The following FAM83C variants were observed in gnomAD, a reference collection of about 807,000 sequenced individuals.
FAM83C encodes the protein scaffolding CK1 anchoring protein C.
In FAM83C, 23 loss-of-function variants were observed where a neutral mutation model predicts 27.1. That is an observed-to-expected ratio of 0.85 (90% CI 0.61 to 1.20). The LOEUF is 1.20. FAM83C is among the 50% of genes most tolerant of loss of function. The pLI is 0.00. For synonymous variants in FAM83C, 426 were observed against 423.1 expected (o/e 1.01, Z -0.09); for missense variants, 984 against 1,001.3 (o/e 0.98, Z 0.23).
At position 35,288,544 on chromosome 20, in the gene FAM83C, G is replaced by A. The variant is rs1317457024; in HGVS notation, c.723C>T (p.Ser241=). 1.2e-6 allele frequency: 2 copies of A among 1,614,218 alleles called. No individual in the cohort carries two copies. The highest frequency in any genetic ancestry group is 1.1e-5 in the South Asian group (1 of 91,088). Residue 241 remains serine, a synonymous_variant, in exon 3 of 4, where the codon AGC becomes AGT. Transcript: ENST00000374408. The part of the protein sequence containing the change: ...VRSTCGDTYC[S]KAGRRFTGQA... ...GCCCCGTGAAGCGGCGGCCAGCCTT[G>A]CTGCAGTATGTGTCCCCACACGTGC...
At position 35,286,667 on chromosome 20, in the gene FAM83C, G is replaced by A. The variant is rs1163847052; in HGVS notation, c.2112C>T (p.Gly704=). The change falls in exon 4 of 4, where the codon GGC becomes GGT. Residue 704 remains glycine (G), a synonymous_variant. Coordinates refer to ENST00000374408, the MANE Select transcript of FAM83C (RefSeq NM_178468.6). ...GGTCACTGTTACCACCATTGAGATG[G>A]CCACCCTTGGGACCCCCAGGCTCAG... ...QGTEPGGPKG[G]HLNGGNSDLV... 6.2e-7 allele frequency: 1 copy of A among 1,613,992 alleles called. No homozygotes were observed. The highest frequency in any genetic ancestry group is 8.5e-7 in the Non-Finnish European group (1 of 1,179,970).
In FAM83C at chr20:35,286,462, A is replaced by C; in HGVS notation, c.*73T>G. The C allele has an allele frequency of 6.9e-7, 1 of 1,448,478 alleles. No homozygotes were observed. Among genetic ancestry groups the C allele is most frequent in the Non-Finnish European group, 9.2e-7 (1 of 1,085,860 alleles). 89.7% of individuals were successfully genotyped at this position (1,448,478 alleles called of 1,614,324 possible). Reference sequence around the variant, plus strand: ...CCTCCCTTCCCCAGTCTGGGACCTGAGCAAGTCCAGAGTCTCGGTGGACAG... The same window carrying C: ...CCTCCCTTCCCCAGTCTGGGACCTGCGCAAGTCCAGAGTCTCGGTGGACAG... On this transcript the variant is annotated 3_prime_UTR_variant, in exon 4 of 4. Transcript: ENST00000374408.
At position 35,286,343 on chromosome 20, in the gene FAM83C, A is replaced by C. The variant is rs891642659; in HGVS notation, c.*192T>G. The C allele has an allele frequency of 6.8e-6, 4 of 591,892 alleles. No homozygotes were observed. The highest frequency in any genetic ancestry group is 5.8e-6 in the Non-Finnish European group (2 of 343,226). The allele number at this position is 591,892 out of a possible 1,614,324, so 36.7% of individuals were successfully genotyped here. ...GGAAACACAGCCTAGATTCAAGAAG[A>C]TACTAGTTAGGGTGTGTGTGTGTGT... On this transcript the variant is annotated 3_prime_UTR_variant, in exon 4 of 4. Coordinates refer to ENST00000374408, the MANE Select transcript of FAM83C (RefSeq NM_178468.6).
At position 35,287,299 on chromosome 20, in the gene FAM83C, C is replaced by T; in HGVS notation, c.1480G>A (p.Glu494Lys). Residue 494 changes from glutamate to lysine, a missense_variant, in exon 4 of 4, where the codon GAG becomes AAG. Transcript: ENST00000374408. ...VPGTTLETVE[E>K]KEKKASPSQS... The stretch of plus-strand genomic sequence containing the variant: ...CTTGGAGATGCCTTCTTCTCCTTCT[C>T]CTCCACTGTCTCCAGGGTTGTGCCA... 6.2e-7 allele frequency: 1 copy of T among 1,613,564 alleles called. No homozygotes were observed.
At chr20:35,290,893 C>T (rs1435535586) in intron 1 of FAM83C, among the ~76,000 whole-genome samples, 5 of 152,190 alleles carry the variant, frequency 3.3e-5, no homozygotes, top group Non-Finnish European at 7.4e-5. Flanking sequence ...GGGATCCCAG[C>T]ATCCTGGCTT....
Position 35,292,084 on chromosome 20 carries a change from C to A in FAM83C, c.221G>T (p.Ser74Ile), listed in dbSNP as rs577788498. Residue 74 changes from serine (S) to isoleucine (I), a missense_variant, in exon 1 of 4, where the codon AGC becomes ATC. By Grantham distance (142) the Ser-to-Ile change is moderately radical. Transcript: ENST00000374408. ...ISEERELPFLSALDVDYMTSH... is the reference protein window; with the variant it reads ...ISEERELPFLIALDVDYMTSH... Reference sequence around the variant, plus strand: ...GGTCATGTAGTCCACATCCAGGGCGCTCAGGAAGGGCAGCTCCCGCTCCTC... The same window carrying A: ...GGTCATGTAGTCCACATCCAGGGCGATCAGGAAGGGCAGCTCCCGCTCCTC... 6.2e-7 allele frequency: 1 copy of A among 1,609,416 alleles called. No homozygotes were observed. The highest frequency in any genetic ancestry group is 1.3e-5 in the African/African-American group (1 of 75,056).
chr20:35,291,230 G>C (rs1290137799), intron 1 of FAM83C, among the ~76,000 whole-genome samples: 1 of 152,158 alleles, frequency 6.6e-6, no homozygotes, highest in Non-Finnish European at 1.5e-5. Flanking sequence ...GAGGGTAGGG[G>C]GCAACTAGGG....
rs1278380332 is a variant in FAM83C at position 35,292,210 on chromosome 20, C to T, written c.95G>A (p.Arg32Gln). The T allele has an allele frequency of 8.2e-6, 13 of 1,592,054 alleles. No homozygotes were observed. The highest frequency in any genetic ancestry group is 1.7e-5 in the Admixed American group (1 of 59,496). ...RVEELKLPWW[R>Q]ESSPLVLRHS... is the part of the protein sequence containing the mutation. Reference sequence around the variant, plus strand: ...CCGCAGCACCAGCGGTGAGCTCTCCCGCCACCACGGCAGCTTCAGCTCTTC... The same window carrying T: ...CCGCAGCACCAGCGGTGAGCTCTCCTGCCACCACGGCAGCTTCAGCTCTTC... Residue 32 changes from arginine to glutamine, a missense_variant, in exon 1 of 4, where the codon CGG (arginine) becomes CAG (glutamine). Coordinates refer to ENST00000374408, the MANE Select transcript of FAM83C (RefSeq NM_178468.6).
At position 35,287,985 on chromosome 20, in the gene FAM83C, G is replaced by A. The variant is rs759200332; in HGVS notation, c.807-13C>T. Reference sequence around the variant, plus strand: ...AAGCCAGGTGAAGCTGGGGGCAGAGGGACAGGGGGGTCAGGAGGCAAAGTG... The same window carrying A: ...AAGCCAGGTGAAGCTGGGGGCAGAGAGACAGGGGGGTCAGGAGGCAAAGTG... On this transcript the variant is annotated splice_polypyrimidine_tract_variant and intron_variant, in intron 3 of 3. Transcript: ENST00000374408. 4.5e-6 allele frequency: 7 copies of A among 1,559,952 alleles called. 1 individual carries two copies. The South Asian group carries it at 5.9e-5, about 13-fold the overall frequency.
At chr20:35,288,701 C>A in intron 2 of FAM83C, 90 bp downstream of exon 2, 1 of 1,545,154 alleles carries the variant, frequency 6.5e-7, no homozygotes, top group Non-Finnish European at 8.8e-7. Flanking sequence ...CTCCCAGTGC[C>A]CCCCAGTGCT....
chr20:35,291,821 G>A lies in FAM83C; in HGVS notation c.484C>T (p.Leu162=). The A allele has an allele frequency of 6.2e-7, 1 of 1,614,182 alleles. No homozygotes were observed. The change falls in exon 1 of 4, where the codon CTG becomes TTG. Residue 162 remains leucine (L), a synonymous_variant. Coordinates refer to ENST00000374408, the MANE Select transcript of FAM83C (RefSeq NM_178468.6). ...RDKAKNIKDL[L]RFLFSQAHTV... ...TGGGCCTGGCTGAAAAGGAAGCGCA[G>A]CAGGTCCTTGATGTTCTTGGCCTTG...
rs1218810297 is a variant in FAM83C, at chr20:35,287,438, A to T, written c.1341T>A (p.Pro447=). 6.2e-7 allele frequency: 1 copy of T among 1,614,144 alleles called. No homozygotes were observed. The highest frequency in any genetic ancestry group is 8.5e-7 in the Non-Finnish European group (1 of 1,180,004). The change falls in exon 4 of 4, where the codon CCT becomes CCA. Residue 447 remains proline, a synonymous_variant. Transcript: ENST00000374408. The part of the protein sequence containing the change: ...LTLAVGSPLL[P]RSRPLLQFHR... ...GGAACTGGAGGAGGGGCCGGGAGCG[A>T]GGAAGCAGAGGTGACCCCACTGCCA...
In FAM83C at chr20:35,287,670, TCA is replaced by T. The variant is rs1215181371; in HGVS notation, c.1107_1108del (p.Asp370LeufsTer3). 6.2e-7 allele frequency: 1 copy of T among 1,613,824 alleles called. No homozygotes were observed. The highest frequency in any genetic ancestry group is 1.3e-5 in the African/African-American group (1 of 74,888). On this transcript the variant is annotated frameshift_variant, in exon 4 of 4. Coordinates refer to ENST00000374408, the MANE Select transcript of FAM83C (RefSeq NM_178468.6). LOFTEE classifies it low-confidence loss of function (END_TRUNC). ...GGACACCACACCCGTATCACTGCAA[TCA>T]CCACCTCCTGGTAGAGCGAGGTAGG...
Position 35,286,263 on chromosome 20 carries a change from G to T in FAM83C, c.*272C>A. ...CCAGCAGCTTGTGCATTTCACCTCT[G>T]TCCCCAGGTCTGAGTGTGACCCACC... On this transcript the variant is annotated 3_prime_UTR_variant, in exon 4 of 4. Transcript: ENST00000374408. 2.3e-6 allele frequency: 1 copy of T among 436,758 alleles called. No individual in the cohort carries two copies. The highest frequency in any genetic ancestry group is 6.1e-4 in the Middle Eastern group (1 of 1,638). 27.1% of individuals were successfully genotyped at this position (436,758 alleles called of 1,614,324 possible).
rs758785799 is a variant in FAM83C, at chr20:35,287,400, G to A, written c.1379C>T (p.Pro460Leu). Residue 460 changes from proline (P) to leucine (L), a missense_variant, in exon 4 of 4, where the codon CCA becomes CTA. Pro to Leu is a moderately conservative substitution (Grantham distance 98). Transcript: ENST00000374408. ...ATTCTCTGGGAACCGGGACAGAGCT[G>A]GGGCACCCCGATGGAACTGGAGGAG... ...RPLLQFHRGA[P>L]ALSRFPENGL... 3.7e-6 allele frequency: 6 copies of A among 1,614,122 alleles called. No individual in the cohort carries two copies. Among genetic ancestry groups the A allele is most frequent in the Admixed American group, 3.3e-5 (2 of 60,030 alleles).
rs777831015 is a variant in FAM83C, at chr20:35,292,246, C to T, written c.59G>A (p.Arg20Gln). 12 of 1,554,908 alleles carry T rather than the reference C, an allele frequency of 7.7e-6. No homozygotes were observed. The highest frequency in any genetic ancestry group is 4.6e-5 in the South Asian group (4 of 86,866). ...CAGCTTCAGCTCTTCCACCCGGCCC[C>T]GCAGGGGTCCCGCCATGCCCTGGGC... is the stretch of plus-strand genomic sequence containing the variant. The part of the protein sequence containing the change: ...LGAQGMAGPL[R>Q]GRVEELKLPW... Residue 20 changes from arginine (R) to glutamine (Q), a missense_variant, in exon 1 of 4, where the codon CGG (arginine) becomes CAG (glutamine). Physicochemically the swap from Arg to Gln is conservative, Grantham distance 43 (BLOSUM62 1). Coordinates refer to ENST00000374408, the MANE Select transcript of FAM83C (RefSeq NM_178468.6).
At position 35,287,058 on chromosome 20, in the gene FAM83C, C is replaced by A. The variant is rs760597342; in HGVS notation, c.1721G>T (p.Arg574Ile). Residue 574 changes from arginine to isoleucine, a missense_variant, in exon 4 of 4, where the codon AGA (arginine) becomes ATA (isoleucine). By Grantham distance (97) the Arg-to-Ile change is moderately conservative. Coordinates refer to ENST00000374408, the MANE Select transcript of FAM83C (RefSeq NM_178468.6). ...GTCCTCCAGGGCCCGATCACCAGGT[C>A]TGAGGGAACCCAACTCAGGGGCACC... ...TGGAPELGSL[R>I]PGDRALEDRR... The A allele has an allele frequency of 6.2e-7, 1 of 1,604,922 alleles. No homozygotes were observed. The highest frequency in any genetic ancestry group is 1.1e-5 in the South Asian group (1 of 91,078).
At position 35,286,791 on chromosome 20, in the gene FAM83C, G is replaced by C. The variant is rs143921217; in HGVS notation, c.1988C>G (p.Ala663Gly). ...GLPISSPART[A>G]GAGSGDEKRL... The stretch of plus-strand genomic sequence containing the variant: ...TTTCTCATCCCCAGACCCAGCTCCA[G>C]CCGTGCGAGCAGGGCTTGATATCGG... Residue 663 changes from alanine to glycine, a missense_variant, in exon 4 of 4, where the codon GCT becomes GGT. Coordinates refer to ENST00000374408, the MANE Select transcript of FAM83C (RefSeq NM_178468.6). 1.2e-4 allele frequency: 186 copies of C among 1,614,158 alleles called. 1 individual carries two copies. In the African/African-American group the frequency reaches 2.3e-3, roughly 20 times the overall value.
chr20:35,290,836 G>A (rs1169885537), intron 1 of FAM83C, among the ~76,000 whole-genome samples: 1 of 152,158 alleles, frequency 6.6e-6, no homozygotes, highest in East Asian at 1.9e-4. Flanking sequence ...GCCGTCCCCT[G>A]CCTGGGGCAC....
Sources: gnomAD v4.1 joint callset for allele counts (sites outside exome capture counted in the v4.1 genomes callset) on GRCh38, gnomAD v4.1.1 for gene constraint, MANE v1.5 for transcripts, NCBI Gene and HGNC (gene_info 2026-07-23, HGNC 2026-07-21) for gene names.